ZC3H12C: variants seen among roughly 807,000 people sequenced by gnomAD.
ZC3H12C encodes the protein probable ribonuclease ZC3H12C.
A neutral mutation model predicts 76.3 loss-of-function variants in ZC3H12C; 20 were observed. That is an observed-to-expected ratio of 0.26 (90% confidence interval 0.18 to 0.38). ZC3H12C has a LOEUF of 0.38. ZC3H12C is among the 10% of genes least tolerant of loss of function. The pLI, the probability that ZC3H12C is intolerant of heterozygous loss-of-function variation, is 1.00. For missense variants in ZC3H12C, 874 were observed against 1,086.5 expected (o/e 0.80, Z 2.75); for synonymous variants, 352 against 399.6 (o/e 0.88, Z 1.42).
rs1416001317 is a variant in ZC3H12C at position 110,171,338 on chromosome 11, T to A, written c.*5601T>A. On this transcript the variant is annotated 3_prime_UTR_variant, in exon 6 of 6. Transcript: ENST00000278590. ...CACGTGTACCAGGTTATTGATTTTA[T>A]CTTTTCCTTTCAGGGTTTTGTCCTC... 1.3e-5 allele frequency: 2 copies of A among 152,228 alleles called. No homozygotes were observed. Among genetic ancestry groups the A allele is most frequent in the Non-Finnish European group, 1.5e-5 (1 of 68,032 alleles). The allele number at this position is 152,228 out of a possible 1,614,324, so 9.4% of individuals were successfully genotyped here.
In ZC3H12C at chr11:110,169,860, TA is replaced by T. The variant is rs1448902079; in HGVS notation, c.*4128del. ...ATCATATGGACTTCAAATGCCATTG[TA>T]AAAACTACTCAGCTCTGCCTTTAGA... On this transcript the variant is annotated 3_prime_UTR_variant, in exon 6 of 6. Coordinates refer to ENST00000278590, the MANE Select transcript of ZC3H12C (RefSeq NM_033390.2). 1 of 152,226 alleles carries T rather than the reference TA, an allele frequency of 6.6e-6. No individual in the cohort carries two copies. Among genetic ancestry groups the T allele is most frequent in the Non-Finnish European group, 1.5e-5 (1 of 68,032 alleles). The allele number at this position is 152,226 out of a possible 1,614,324, so 9.4% of individuals were successfully genotyped here.
chr11:110,161,368 A>G (rs1862478703), intron 4 of ZC3H12C, among the ~76,000 whole-genome samples: 1 of 152,184 alleles, frequency 6.6e-6, no homozygotes, highest in African/African-American at 2.4e-5. Context: ...CTGTACCTGA[A>G]TTTTTAAAGT....
chr11:110,158,768 G>A (rs1862424167), intron 3 of ZC3H12C, among the ~76,000 whole-genome samples: 1 of 152,116 alleles, frequency 6.6e-6, no homozygotes, highest in African/African-American at 2.4e-5. Context: ...TTTGCTACCT[G>A]GACAACTTCT....
intron 1 of ZC3H12C, among the ~76,000 whole-genome samples, chr11:110,127,661 GAGGT>G (rs981682729): frequency 1.4e-4 from 21 of 152,070 alleles, no homozygotes; most frequent in Non-Finnish European, 2.8e-4. Context: ...TTGGGAGGCA[GAGGT>G]GGGCAGATCA....
At chr11:110,121,095 G>A (rs1861643503) in intron 1 of ZC3H12C, among the ~76,000 whole-genome samples, 2 of 152,112 alleles carry the variant, frequency 1.3e-5, no homozygotes, top group African/African-American at 4.8e-5. Context: ...TCTCTAGGTG[G>A]GACTTTGGCA....
intron 1 of ZC3H12C, among the ~76,000 whole-genome samples, chr11:110,102,581 CAA>C (rs1861236939): frequency 6.6e-6 from 1 of 152,044 alleles, no homozygotes; most frequent in Non-Finnish European, 1.5e-5. Flanking sequence ...GAAATGACAA[CAA>C]AGAGGATTTC....
intron 1 of ZC3H12C, among the ~76,000 whole-genome samples, chr11:110,114,237 T>TC (rs1342765265): frequency 3.3e-5 from 5 of 152,114 alleles, no homozygotes; most frequent in Non-Finnish European, 7.4e-5. Context: ...TTACTCCCCC[T>TC]CCTTCTACCT....
At chr11:110,124,360 T>TA (rs1395907872) in intron 1 of ZC3H12C, 6 of 151,074 alleles carry the variant, frequency 4.0e-5, no homozygotes, top group African/African-American at 1.5e-4. Flanking sequence ...ATTTTTTTTT[T>TA]ATTGGTCGAT....
chr11:110,137,937 G>GAA (rs923093850), intron 2 of ZC3H12C, among the ~76,000 whole-genome samples: 1 of 151,212 alleles, frequency 6.6e-6, no homozygotes, highest in Non-Finnish European at 1.5e-5. Context: ...GAACTGGGGG[G>GAA]AAAAAAAAGC....
chr11:110,154,098 G>T (rs575212856), intron 3 of ZC3H12C, among the ~76,000 whole-genome samples: 1 of 152,108 alleles, frequency 6.6e-6, no homozygotes, highest in Non-Finnish European at 1.5e-5. Context: ...TTGGCTGGGC[G>T]CAGTGGCTCA....
At chr11:110,095,375 T>A (rs962936780) in intron 1 of ZC3H12C, among the ~76,000 whole-genome samples, 10 of 152,356 alleles carry the variant, frequency 6.6e-5, no homozygotes, top group African/African-American at 2.4e-4. Context: ...GACGTAAAAA[T>A]GTTGCTGTTA....
Position 110,164,960 on chromosome 11 carries a change from C to G in ZC3H12C, c.1875C>G (p.Asp625Glu). 1 of 1,614,060 alleles carries G rather than the reference C, an allele frequency of 6.2e-7. No homozygotes were observed. The highest frequency in any genetic ancestry group is 2.2e-5 in the East Asian group (1 of 44,888). Residue 625 changes from aspartate to glutamate, a missense_variant, in exon 6 of 6, where the codon GAC (aspartate) becomes GAG (glutamate). Coordinates refer to ENST00000278590, the MANE Select transcript of ZC3H12C (RefSeq NM_033390.2). This position sits in a 1 kb window ranked among gnomAD's most constrained non-coding sequence, Gnocchi z 5.7. ...ATAGAATAAGTTCCGTAGCTTCTGACTGCAGCAGTGAAGGGAGCATGAGCT... is the reference window on the plus strand; with the variant it reads ...ATAGAATAAGTTCCGTAGCTTCTGAGTGCAGCAGTGAAGGGAGCATGAGCT... ...TDYRISSVAS[D>E]CSSEGSMSCG...
chr11:110,108,697 C>T (rs532743999), intron 1 of ZC3H12C, among the ~76,000 whole-genome samples: 30 of 152,254 alleles, frequency 2.0e-4, no homozygotes, highest in Admixed American at 7.2e-4. Context: ...TTTATATCTC[C>T]GATCCTGACT....
chr11:110,120,892 T>C (rs897118944), intron 1 of ZC3H12C, among the ~76,000 whole-genome samples: 1 of 152,202 alleles, frequency 6.6e-6, no homozygotes, highest in South Asian at 2.1e-4. Context: ...GTTTCAGGTA[T>C]GGCTGAGTCA....
intron 2 of ZC3H12C, among the ~76,000 whole-genome samples, chr11:110,139,422 G>C (rs549336435): frequency 6.6e-6 from 1 of 152,202 alleles, no homozygotes; most frequent in East Asian, 1.9e-4. Context: ...CAAGAGTAGA[G>C]TTGTGCCTTA....
In ZC3H12C at chr11:110,136,806, T is replaced by C. The variant is rs1444250125; in HGVS notation, c.165T>C (p.Ser55=). Residue 55 remains serine, a synonymous_variant, in exon 2 of 6, where the codon AGT becomes AGC. Coordinates refer to ENST00000278590, the MANE Select transcript of ZC3H12C (RefSeq NM_033390.2). The part of the protein sequence containing the change: ...LYVESTDPQL[S]PAVPWSTVEN... ...TGGAGAGCACTGACCCACAGTTAAGTCCAGCTGTACCTTGGTCAACAGTAG... is the reference window on the plus strand; with the variant it reads ...TGGAGAGCACTGACCCACAGTTAAGCCCAGCTGTACCTTGGTCAACAGTAG... 1 of 1,613,874 alleles carries C rather than the reference T, an allele frequency of 6.2e-7. No homozygotes were observed. Among genetic ancestry groups the C allele is most frequent in the Non-Finnish European group, 8.5e-7 (1 of 1,179,882 alleles).
At chr11:110,129,596 T>C (rs1861822619) in intron 1 of ZC3H12C, among the ~76,000 whole-genome samples, 1 of 152,162 alleles carries the variant, frequency 6.6e-6, no homozygotes, top group Non-Finnish European at 1.5e-5. Context: ...TTCATGATCA[T>C]ATAATGAAAA....
rs137940076 is a variant in ZC3H12C, at chr11:110,107,177, G to A, written c.21+13745G>A. 2.9e-3 allele frequency among the ~76,000 whole-genome samples: 440 copies of A among 152,276 alleles called. 3 individuals carry two copies. The highest frequency in any genetic ancestry group is 4.5e-3 in the Non-Finnish European group (305 of 68,026). ...ACAATATATTTTCAGTATTTAAGACGTGGTCTGTTTTTGAATTGAACATAT... is the reference window on the plus strand; with the variant it reads ...ACAATATATTTTCAGTATTTAAGACATGGTCTGTTTTTGAATTGAACATAT... On this transcript the variant is annotated intron_variant, in intron 1 of 5. Coordinates refer to ENST00000278590, the MANE Select transcript of ZC3H12C (RefSeq NM_033390.2).
At chr11:110,134,324 A>G (rs1229803998) in intron 1 of ZC3H12C, among the ~76,000 whole-genome samples, 2 of 151,814 alleles carry the variant, frequency 1.3e-5, no homozygotes, top group African/African-American at 4.8e-5. Flanking sequence ...TTATTCTTTC[A>G]CTGTGCTAGC....
Sources: allele counts gnomAD v4.1 joint callset (sites outside exome capture counted in the v4.1 genomes callset), GRCh38; gene constraint gnomAD v4.1.1; non-coding constraint Gnocchi (gnomAD v3.1); transcripts MANE v1.5; gene names NCBI Gene and HGNC (gene_info 2026-07-23, HGNC 2026-07-21).